The following AUTS2 variants were observed in gnomAD, a reference collection of about 807,000 sequenced individuals.
AUTS2 encodes the protein activator of transcription and developmental regulator AUTS2.
In AUTS2, 17 loss-of-function variants were observed where a neutral mutation model predicts 112.4. That is an observed-to-expected ratio of 0.15 (90% confidence interval 0.10 to 0.23). AUTS2 has a LOEUF of 0.23. Ranked by LOEUF, AUTS2 falls within the 10% of genes least tolerant of loss-of-function variation. AUTS2 has a pLI of 1.00. For missense variants in AUTS2, 1,510 were observed against 1,701.6 expected (o/e 0.89, Z 1.98); for synonymous variants, 751 against 702.7 (o/e 1.07, Z -1.09).
chr7:69,881,622 G>C (rs1364660552), intron 1 of AUTS2, among the ~76,000 whole-genome samples: 1 of 151,928 alleles, frequency 6.6e-6, no homozygotes, highest in Non-Finnish European at 1.5e-5. Flanking sequence ...TTTAATTTTG[G>C]ATCTATCAGG....
At chr7:70,194,409 A>AAAAT (rs1176415253) in intron 4 of AUTS2, among the ~76,000 whole-genome samples, 1 of 152,308 alleles carries the variant, frequency 6.6e-6, no homozygotes, top group Non-Finnish European at 1.5e-5. Context: ...CCCTGTCTCA[A>AAAAT]AAATAAATAA....
intron 4 of AUTS2, among the ~76,000 whole-genome samples, chr7:70,351,697 CTTTTTTCTT>C (rs914268285): frequency 6.6e-6 from 1 of 151,946 alleles, no homozygotes; most frequent in East Asian, 1.9e-4. Context: ...TTTTCTTTTT[CTTTTTTCTT>C]TTTTTTCTTT....
intron 5 of AUTS2, among the ~76,000 whole-genome samples, chr7:70,471,313 G>A (rs991631267): frequency 6.6e-6 from 1 of 152,016 alleles, no homozygotes; most frequent in Non-Finnish European, 1.5e-5. Context: ...AAGGCATCCA[G>A]AATTGTCTAG....
intron 2 of AUTS2, among the ~76,000 whole-genome samples, chr7:70,025,395 T>G (rs148310360): frequency 6.6e-6 from 1 of 152,120 alleles, no homozygotes; most frequent in East Asian, 1.9e-4. Context: ...CATCACTGGC[T>G]ATTTTTCAGT....
chr7:70,398,114 T>A (rs546035806), intron 4 of AUTS2, among the ~76,000 whole-genome samples: 4 of 152,260 alleles, frequency 2.6e-5, no homozygotes, highest in Non-Finnish European at 5.9e-5. Flanking sequence ...TTCACATGTA[T>A]GTGTTTATTT....
chr7:70,508,233 G>A (rs566368988), intron 5 of AUTS2, among the ~76,000 whole-genome samples: 42 of 152,028 alleles, frequency 2.8e-4, no homozygotes, highest in Non-Finnish European at 5.0e-4. Context: ...ATTAGAGCCT[G>A]TGGGGCATTA....
At chr7:69,899,541 C>G (rs748483372) in intron 2 of AUTS2, 43 bp downstream of exon 2, 2 of 1,589,222 alleles carry the variant, frequency 1.3e-6, no homozygotes, top group African/African-American at 2.7e-5. Flanking sequence ...CGGCAAAATC[C>G]CTTCCTTAGG....
intron 2 of AUTS2, among the ~76,000 whole-genome samples, chr7:69,903,365 A>T (rs12698815): frequency 0.25 from 37,396 of 152,140 alleles, 4,579 homozygotes; most frequent in Middle Eastern, 0.33. Context: ...TAGACCATGG[A>T]GAATTCTTAA....
intron 4 of AUTS2, among the ~76,000 whole-genome samples, chr7:70,225,474 G>T (rs1189241500): frequency 7.9e-5 from 12 of 152,130 alleles, no homozygotes; most frequent in Admixed American, 7.9e-4. Context: ...TGTCCCAGGA[G>T]CTTTGTCATA....
intron 2 of AUTS2, among the ~76,000 whole-genome samples, chr7:70,111,043 T>C (rs1426654073): frequency 2.0e-5 from 3 of 151,660 alleles, no homozygotes; most frequent in Non-Finnish European, 4.4e-5. Context: ...CCCAGCAATT[T>C]TTTTTTTTTG....
chr7:69,646,044 C>T (rs753388970), intron 1 of AUTS2, among the ~76,000 whole-genome samples: 4 of 151,078 alleles, frequency 2.6e-5, no homozygotes, highest in Admixed American at 6.6e-5. Context: ...GAAGGAGGGA[C>T]CATTAGTTGA....
intron 5 of AUTS2, among the ~76,000 whole-genome samples, chr7:70,516,734 TG>T (rs1799432165): frequency 6.6e-6 from 1 of 152,182 alleles, no homozygotes; most frequent in South Asian, 2.1e-4. Flanking sequence ...AGCACTTGTG[TG>T]GCACTGTACA....
chr7:70,282,001 T>C (rs895404856), intron 4 of AUTS2, among the ~76,000 whole-genome samples: 8 of 152,236 alleles, frequency 5.3e-5, no homozygotes, highest in Admixed American at 4.6e-4. Context: ...ATTTCAGATA[T>C]GTAGACAGAA....
intron 2 of AUTS2, among the ~76,000 whole-genome samples, chr7:69,931,357 GTC>G (rs1309499009): frequency 1.3e-5 from 2 of 152,178 alleles, no homozygotes; most frequent in Admixed American, 6.5e-5. Flanking sequence ...AATCTTAACT[GTC>G]TCTACATTAC....
chr7:70,077,927 T>C (rs972783073), intron 2 of AUTS2, among the ~76,000 whole-genome samples: 1 of 152,196 alleles, frequency 6.6e-6, no homozygotes, highest in African/African-American at 2.4e-5. Context: ...GAAGTAGTCA[T>C]TTGCTGTCAT....
intron 1 of AUTS2, among the ~76,000 whole-genome samples, chr7:69,886,471 C>A (rs78372850): frequency 1.3e-5 from 2 of 152,118 alleles, no homozygotes; most frequent in African/African-American, 4.8e-5. Context: ...TGTAAAACTG[C>A]GTTTATATTC....
At chr7:70,145,343 A>G (rs1322262157) in intron 4 of AUTS2, among the ~76,000 whole-genome samples, 1 of 152,094 alleles carries the variant, frequency 6.6e-6, no homozygotes, top group Non-Finnish European at 1.5e-5. Flanking sequence ...TTAGCTGGAC[A>G]TGGAGAAGTG....
intron 6 of AUTS2, among the ~76,000 whole-genome samples, chr7:70,711,843 G>T (rs1810068113): frequency 6.6e-6 from 1 of 152,166 alleles, no homozygotes; most frequent in Non-Finnish European, 1.5e-5. Context: ...CCAAGTACCG[G>T]TGACCCTGGC....
chr7:69,806,834 C>T (rs1790330571), intron 1 of AUTS2, among the ~76,000 whole-genome samples: 1 of 152,260 alleles, frequency 6.6e-6, no homozygotes. Context: ...CTTGTGATTC[C>T]AAGTTAAAGA....
Sources: gnomAD v4.1 joint callset for allele counts (sites outside exome capture counted in the v4.1 genomes callset) on GRCh38, gnomAD v4.1.1 for gene constraint, MANE v1.5 for transcripts, NCBI Gene and HGNC (gene_info 2026-07-23, HGNC 2026-07-21) for gene names.